The following SCAMP2 variants were observed in gnomAD, a reference collection of about 807,000 sequenced individuals.
SCAMP2 encodes the protein secretory carrier-associated membrane protein 2.
SCAMP2 carries 25 observed loss-of-function variants against 44.1 expected under a neutral mutation model. The ratio of observed to expected loss-of-function variants is 0.57; its 90% CI spans 0.41 to 0.79. The LOEUF (loss-of-function observed/expected upper bound fraction) is 0.79. SCAMP2 is among the 30% of genes least tolerant of loss of function. The pLI is 0.00. For missense variants in SCAMP2, 355 were observed against 411.0 expected (o/e 0.86, Z 1.18); for synonymous variants, 156 against 166.0 (o/e 0.94, Z 0.46).
In SCAMP2 at chr15:74,860,024, G is replaced by A. The variant is rs371522259; in HGVS notation, c.58-5375C>T. Among the ~76,000 whole-genome samples, 20 of 152,320 alleles carry A rather than the reference G, an allele frequency of 1.3e-4. No homozygotes were observed. The East Asian group carries it at 3.5e-3, about 26-fold the overall frequency. ...TCAAGCTTATAATCCAGCACTTTGGGAGGCTGAGGTGAGAGGGTTGCTTAA... is the reference window on the plus strand; with the variant it reads ...TCAAGCTTATAATCCAGCACTTTGGAAGGCTGAGGTGAGAGGGTTGCTTAA... On this transcript the variant is annotated intron_variant, in intron 1 of 8. Transcript: ENST00000268099.
intron 7 of SCAMP2, among the ~76,000 whole-genome samples, chr15:74,846,408 G>A (rs1050186972): frequency 4.7e-5 from 7 of 148,444 alleles, no homozygotes; most frequent in South Asian, 4.3e-4. Flanking sequence ...ATCACGCCAC[G>A]GCACTCCAGC....
chr15:74,848,692 G>T lies in SCAMP2; in HGVS notation c.642C>A (p.Asn214Lys). 1 of 1,612,400 alleles carries T rather than the reference G, an allele frequency of 6.2e-7. No individual in the cohort carries two copies. The highest frequency in any genetic ancestry group is 1.1e-5 in the South Asian group (1 of 91,026). Reference sequence around the variant, plus strand: ...AGAAGAACACAAAGAAGCTGAAAGAGTTGTCGGACCTGTGGAGAGAGAGGG... The same window carrying T: ...AGAAGAACACAAAGAAGCTGAAAGATTTGTCGGACCTGTGGAGAGAGAGGG... ...RPIYKAFRSD[N>K]SFSFFVFFFV... The change falls in exon 7 of 9, where the codon AAC becomes AAA. Residue 214 changes from asparagine to lysine, a missense_variant. By Grantham distance (94) the Asn-to-Lys change is moderately conservative. Transcript: ENST00000268099.
At chr15:74,854,503 G>T (rs1232739740) in intron 2 of SCAMP2, 78 bp downstream of exon 2, 1 of 1,232,474 alleles carries the variant, frequency 8.1e-7, no homozygotes. Context: ...TTCTGTCCTT[G>T]CCAAGGATCC....
intron 1 of SCAMP2, among the ~76,000 whole-genome samples, chr15:74,861,900 C>CA (rs71140103): frequency 0.057 from 2,511 of 43,814 alleles, 132 homozygotes; most frequent in African/African-American, 0.15. Context: ...GACTCTGTCT[C>CA]AAAAAAAAAA....
chr15:74,863,377 C>T (rs938116697), intron 1 of SCAMP2, among the ~76,000 whole-genome samples: 1 of 150,662 alleles, frequency 6.6e-6, no homozygotes, highest in African/African-American at 2.4e-5. Context: ...CAGGTCTCGT[C>T]GTGGGTACCT....
intron 6 of SCAMP2, 77 bp from the exon 7 acceptor site, chr15:74,848,778 C>G (rs1411104408): frequency 9.5e-7 from 1 of 1,056,716 alleles, no homozygotes; most frequent in Non-Finnish European, 1.4e-6. Context: ...TGTGACATCC[C>G]TCCTCACTAG....
In SCAMP2 at chr15:74,844,202, GA is replaced by G. The variant is rs1478366994; in HGVS notation, c.*880del. On this transcript the variant is annotated 3_prime_UTR_variant, in exon 9 of 9. Coordinates refer to ENST00000268099, the MANE Select transcript of SCAMP2 (RefSeq NM_005697.5). ...AAAGGCAGCCGTCCCTCGGTTCGGG[GA>G]GGGGGGGGGGTAGTCACAGCAAACA... 3.4e-5 allele frequency: 5 copies of G among 146,348 alleles called. No homozygotes were observed. The highest frequency in any genetic ancestry group is 7.5e-5 in the African/African-American group (3 of 40,154). 9.1% of individuals were successfully genotyped at this position (146,348 alleles called of 1,614,324 possible).
chr15:74,853,771 G>A (rs1198508854), intron 3 of SCAMP2: 12 of 552,980 alleles, frequency 2.2e-5, no homozygotes, highest in East Asian at 1.2e-4. Context: ...TGGAGGCACC[G>A]AGGAGCCCGG....
chr15:74,872,759 A>T (rs991398375), intron 1 of SCAMP2, among the ~76,000 whole-genome samples: 3 of 152,008 alleles, frequency 2.0e-5, no homozygotes, highest in Admixed American at 1.3e-4. Flanking sequence ...GGCTTTTCCC[A>T]CATTTTTCCC....
At position 74,852,152 on chromosome 15, in the gene SCAMP2, C is replaced by T. The variant is rs146072308; in HGVS notation, c.260G>A (p.Arg87Gln). The change falls in exon 4 of 9, where the codon CGG becomes CAG. Residue 87 changes from arginine to glutamine, a missense_variant. Coordinates refer to ENST00000268099, the MANE Select transcript of SCAMP2 (RefSeq NM_005697.5). Reference protein sequence around the residue: ...VVSAAQAGLLRQQEELDRKAA... With the variant: ...VVSAAQAGLLQQQEELDRKAA... ...TTTCCTGTCCAGTTCTTCCTGCTGC[C>T]GGAGCAGGCCTGCCTGGGCTGCAGA... 2.2e-5 allele frequency: 35 copies of T among 1,580,172 alleles called. No individual in the cohort carries two copies. In the Middle Eastern group the frequency reaches 6.7e-4, roughly 30 times the overall value.
chr15:74,862,699 A>T (rs2064515053), intron 1 of SCAMP2, among the ~76,000 whole-genome samples: 1 of 148,284 alleles, frequency 6.7e-6, no homozygotes, highest in African/African-American at 2.5e-5. Context: ...ACACATATAC[A>T]TAATCCCAGC....
rs1431645432 is a variant in SCAMP2 at position 74,862,292 on chromosome 15, C to CAAAAAAAGA, written c.58-7644_58-7643insTCTTTTTTT. ...AAAAAAAAAAAAAAAAAAAAAAATTCCTGGCCAGGTGCAATGGCTCACACC... is the reference window on the plus strand; with the variant it reads ...AAAAAAAAAAAAAAAAAAAAAAATTCAAAAAAAGACTGGCCAGGTGCAATGGCTCACACC... On this transcript the variant is annotated intron_variant, in intron 1 of 8. Coordinates refer to ENST00000268099, the MANE Select transcript of SCAMP2 (RefSeq NM_005697.5). Among the ~76,000 whole-genome samples, 2 of 87,648 alleles carry CAAAAAAAGA rather than the reference C, an allele frequency of 2.3e-5. 1 individual carries two copies. Among genetic ancestry groups the CAAAAAAAGA allele is most frequent in the Non-Finnish European group, 4.9e-5 (2 of 40,732 alleles). The allele number at this position is 87,648 out of a possible 152,430, so 57.5% of individuals were successfully genotyped here.
At chr15:74,864,778 G>A (rs1339195793) in intron 1 of SCAMP2, among the ~76,000 whole-genome samples, 1 of 152,120 alleles carries the variant, frequency 6.6e-6, no homozygotes, top group African/African-American at 2.4e-5. Context: ...TACAGGGCAG[G>A]AAAGGGAAGG....
chr15:74,854,975 T>G (rs1414493359), intron 1 of SCAMP2, among the ~76,000 whole-genome samples: 1 of 127,910 alleles, frequency 7.8e-6, no homozygotes, highest in Non-Finnish European at 1.6e-5. Context: ...AGGGAGTGGG[T>G]TTTTTTTTTT....
intron 1 of SCAMP2, among the ~76,000 whole-genome samples, chr15:74,860,685 TAA>T (rs34842935): frequency 1.5e-4 from 13 of 89,536 alleles, no homozygotes; most frequent in Admixed American, 1.4e-4. Context: ...AGACTCCATT[TAA>T]AAAAAAAAAA....
chr15:74,852,407 G>A, intron 3 of SCAMP2: 1 of 389,682 alleles, frequency 2.6e-6, no homozygotes, highest in Non-Finnish European at 4.5e-6. Flanking sequence ...CCTTGGCCAT[G>A]ACTAAGCTGT....
intron 3 of SCAMP2, chr15:74,853,578 G>A: frequency 2.4e-6 from 1 of 411,796 alleles, no homozygotes; most frequent in Non-Finnish European, 5.0e-6. Context: ...CGGCGCAGTG[G>A]AGCACCAGGC....
Position 74,845,538 on chromosome 15 carries a change from T to C in SCAMP2, c.790A>G (p.Ile264Val), listed in dbSNP as rs1326622125. 8.7e-6 allele frequency: 14 copies of C among 1,614,154 alleles called. No homozygotes were observed. Among genetic ancestry groups the C allele is most frequent in the Non-Finnish European group, 1.2e-5 (14 of 1,180,018 alleles). The change falls in exon 8 of 9, where the codon ATC becomes GTC. Residue 264 changes from isoleucine (I) to valine (V), a missense_variant. Physicochemically the swap from Ile to Val is conservative, Grantham distance 29. Transcript: ENST00000268099. ...AAGAAGCCAGCCACCACCATCATGA[T>C]GACTGATATGGCCAGGGAATGATTA... ...LDNHSLAISV[I>V]MMVVAGFFTL...
intron 1 of SCAMP2, among the ~76,000 whole-genome samples, chr15:74,861,841 C>T (rs2064505756): frequency 1.4e-5 from 2 of 142,124 alleles, no homozygotes; most frequent in South Asian, 2.2e-4. Flanking sequence ...GTGGAGCTTG[C>T]AGCGAGCCGA....
Sources: gnomAD v4.1 joint callset for allele counts (sites outside exome capture counted in the v4.1 genomes callset) on GRCh38, gnomAD v4.1.1 for gene constraint, MANE v1.5 for transcripts, NCBI Gene and HGNC (gene_info 2026-07-23, HGNC 2026-07-21) for gene names.